TEX11: variants seen among roughly 807,000 people sequenced by gnomAD.
TEX11 encodes testis expressed 11, also known as testis-expressed protein 11.
A neutral mutation model predicts 84.4 loss-of-function variants in TEX11; 7 were observed. That is an observed-to-expected ratio of 0.08 (90% CI 0.05 to 0.16). TEX11 has a LOEUF of 0.16. Ranked by LOEUF, TEX11 falls within the 10% of genes least tolerant of loss-of-function variation. The pLI, the probability that TEX11 is intolerant of heterozygous loss-of-function variation, is 1.00. For missense variants in TEX11, 551 were observed against 660.5 expected (o/e 0.83, Z 1.82); for synonymous variants, 264 against 222.8 (o/e 1.18, Z -1.64).
chrX:70,748,233 G>A (rs2090782584), intron 9 of TEX11, among the ~76,000 whole-genome samples: 1 of 111,244 alleles, frequency 9.0e-6, no homozygotes, highest in Non-Finnish European at 1.9e-5. Context: ...CATCCAAGAA[G>A]CTCAATGAAA....
chrX:70,885,735 T>C (rs890407981), intron 2 of TEX11, among the ~76,000 whole-genome samples: 1 of 108,722 alleles, frequency 9.2e-6, no homozygotes, highest in Non-Finnish European at 1.9e-5. Context: ...CTACCAAAAA[T>C]ACAAAAATTA....
At chrX:70,521,131 C>G in the TEX11 span, among the ~76,000 whole-genome samples, 1 of 111,202 alleles carries the variant, frequency 9.0e-6, no homozygotes, top group Admixed American at 9.6e-5. Flanking sequence ...GCAGCTCACC[C>G]TCGGTGGGCT....
At chrX:70,568,116 T>G (rs910921195) in intron 25 of TEX11, among the ~76,000 whole-genome samples, 4 of 112,007 alleles carry the variant, frequency 3.6e-5, no homozygotes, top group Non-Finnish European at 5.6e-5. Context: ...ATATTTAGGA[T>G]AGTTAGCTCT....
chrX:70,764,173 C>A lies in TEX11; in HGVS notation c.693-19954G>T, dbSNP rs758526559. Among the ~76,000 whole-genome samples, 7 of 111,757 alleles carry A rather than the reference C, an allele frequency of 6.3e-5. No individual in the cohort carries two copies. In the East Asian group the frequency reaches 1.4e-3, roughly 22 times the overall value. On this transcript the variant is annotated intron_variant, in intron 9 of 29. Coordinates refer to ENST00000374333, the MANE Select transcript of TEX11 (RefSeq NM_031276.3). ...GAATAAAATTAGAAACCAACAACAACAAGAATTTTGGAAACTATACAAATA... is the reference window on the plus strand; with the variant it reads ...GAATAAAATTAGAAACCAACAACAAAAAGAATTTTGGAAACTATACAAATA...
chrX:70,545,524 T>C lies in TEX11; in HGVS notation c.2520+6602A>G, dbSNP rs893499325. On this transcript the variant is annotated intron_variant, in intron 28 of 29. Coordinates refer to ENST00000374333, the MANE Select transcript of TEX11 (RefSeq NM_031276.3). The stretch of plus-strand genomic sequence containing the variant: ...GAGCTGTCATTTCCTAGGATGATAA[T>C]GCCATTTTCTGGAATATCTCCTGAA... Among the ~76,000 whole-genome samples, 3 of 111,773 alleles carry C rather than the reference T, an allele frequency of 2.7e-5. No homozygotes were observed. The East Asian group carries it at 8.4e-4, about 31-fold the overall frequency.
intron 4 of TEX11, among the ~76,000 whole-genome samples, chrX:70,871,495 T>C (rs1445355834): frequency 8.9e-6 from 1 of 112,435 alleles, no homozygotes; most frequent in Non-Finnish European, 1.9e-5. Flanking sequence ...TTATAGCTTA[T>C]AAATCTTCAT....
chrX:70,566,418 C>T (rs1174662497), intron 25 of TEX11, among the ~76,000 whole-genome samples: 22 of 108,549 alleles, frequency 2.0e-4, no homozygotes, highest in African/African-American at 7.4e-4. Flanking sequence ...CCTGATTGCC[C>T]TGGCCAGAAC....
intron 28 of TEX11, among the ~76,000 whole-genome samples, chrX:70,533,510 G>A (rs949619079): frequency 3.6e-5 from 4 of 111,431 alleles, no homozygotes; most frequent in Non-Finnish European, 5.6e-5. Context: ...GGAAAAGAAC[G>A]CAGAGGAGTG....
At chrX:70,834,522 A>G (rs1156492416) in intron 7 of TEX11, among the ~76,000 whole-genome samples, 1 of 111,598 alleles carries the variant, frequency 9.0e-6, no homozygotes, top group African/African-American at 3.3e-5. Flanking sequence ...TAGGGAGGCC[A>G]AGGTGGGTGG....
chrX:70,710,543 C>G (rs2090419351), intron 13 of TEX11, among the ~76,000 whole-genome samples: 1 of 107,584 alleles, frequency 9.3e-6, no homozygotes, highest in Admixed American at 1.0e-4. Context: ...GAAAAGTTCT[C>G]ATTTTTTTTT....
rs376858841 is a variant in TEX11 at position 70,896,224 on chromosome X, T to C, written c.37+11529A>G. 2.7e-5 allele frequency among the ~76,000 whole-genome samples: 3 copies of C among 112,197 alleles called. No homozygotes were observed. The East Asian group carries it at 8.4e-4, about 31-fold the overall frequency. On this transcript the variant is annotated intron_variant, in intron 2 of 29. Transcript: ENST00000374333. ...GTGGGCAAAGGATATAAACAGACAC[T>C]TCTCAAAAGAAGACATTTATGCGGC...
the TEX11 span, among the ~76,000 whole-genome samples, chrX:70,511,308 C>G: frequency 8.9e-6 from 1 of 112,671 alleles, no homozygotes; most frequent in Non-Finnish European, 1.9e-5. Context: ...CAATTATTCT[C>G]TCCATGTGTC....
intron 15 of TEX11, among the ~76,000 whole-genome samples, chrX:70,677,647 T>C (rs1258073390): frequency 9.0e-6 from 1 of 110,717 alleles, no homozygotes; most frequent in South Asian, 3.8e-4. Context: ...CAGTACTTTG[T>C]CTTATAAATT....
intron 11 of TEX11, among the ~76,000 whole-genome samples, chrX:70,727,500 T>A (rs1673052125): frequency 8.9e-6 from 1 of 112,289 alleles, no homozygotes; most frequent in Non-Finnish European, 1.9e-5. Context: ...ATAGGCATCC[T>A]CCTCACCTCA....
chrX:70,781,753 G>C (rs1213300210), intron 9 of TEX11, among the ~76,000 whole-genome samples: 1 of 111,362 alleles, frequency 9.0e-6, no homozygotes, highest in East Asian at 2.8e-4. Flanking sequence ...AAAGTGAGAA[G>C]ACAAGTTTAG....
chrX:70,660,310 A>C (rs772218700), intron 16 of TEX11, among the ~76,000 whole-genome samples: 1 of 111,965 alleles, frequency 8.9e-6, no homozygotes, highest in African/African-American at 3.2e-5. Flanking sequence ...TTTCTTCAAT[A>C]ATGGAGTTTA....
At chrX:70,581,307 T>G (rs1229039612) in intron 25 of TEX11, among the ~76,000 whole-genome samples, 1 of 99,741 alleles carries the variant, frequency 1.0e-5, no homozygotes, top group Admixed American at 1.1e-4. Flanking sequence ...TTTTTTTTTT[T>G]TTTTTTTTTA....
At chrX:70,850,348 G>T (rs2147850426) in intron 7 of TEX11, among the ~76,000 whole-genome samples, 1 of 111,793 alleles carries the variant, frequency 8.9e-6, no homozygotes, top group East Asian at 2.8e-4. Flanking sequence ...CTACCTAGAT[G>T]AGGACACTAT....
chrX:70,547,320 G>T (rs1038277638), intron 28 of TEX11, among the ~76,000 whole-genome samples: 2 of 111,139 alleles, frequency 1.8e-5, no homozygotes, highest in African/African-American at 6.5e-5. Context: ...GACGGAGCAA[G>T]ATGGCTGATT....
Sources: gnomAD v4.1 joint callset for allele counts (sites outside exome capture counted in the v4.1 genomes callset) on GRCh38, gnomAD v4.1.1 for gene constraint, MANE v1.5 for transcripts, NCBI Gene and HGNC (gene_info 2026-07-23, HGNC 2026-07-21) for gene names.